Variants in BPTF observed in about 807,000 individuals in gnomAD.
BPTF encodes the protein bromodomain PHD finger transcription factor, also known as nucleosome-remodeling factor subunit BPTF.
Under a neutral mutation model 292.5 loss-of-function variants are expected in BPTF, and 18 were observed. The ratio of observed to expected loss-of-function variants is 0.06; its 90% confidence interval spans 0.04 to 0.09. BPTF has a LOEUF of 0.09. BPTF is among the 10% of genes least tolerant of loss of function. The probability of loss-of-function intolerance (pLI) is 1.00; values close to 1 mark genes in which losing one functional copy is unlikely to be tolerated. For synonymous variants in BPTF, 1,225 were observed against 1,251.9 expected, an observed-to-expected ratio of 0.98 and a Z score of 0.45; for missense variants, 2,726 against 3,498.7, an observed-to-expected ratio of 0.78 and a Z score of 5.57.
chr17:67,953,771 G>A lies in BPTF; in HGVS notation c.7926+5465G>A, dbSNP rs1300389613. ...TTTTGTGTATTATTCGGAGAGATGG[G>A]GTTTCATCATGTTTGCCAGGCTTGT... On this transcript the variant is annotated intron_variant, in intron 23 of 27. Coordinates refer to ENST00000306378, the MANE Select transcript of BPTF (RefSeq NM_182641.4). 2.0e-5 allele frequency among the ~76,000 whole-genome samples: 3 copies of A among 150,236 alleles called. No individual in the cohort carries two copies. In the East Asian group the frequency reaches 5.9e-4, roughly 30 times the overall value.
At chr17:67,865,517 A>G (rs1167495289) in intron 2 of BPTF, among the ~76,000 whole-genome samples, 1 of 152,204 alleles carries the variant, frequency 6.6e-6, no homozygotes, top group African/African-American at 2.4e-5. Flanking sequence ...TGTCTTGTCC[A>G]TGTCCACATA....
At position 67,907,880 on chromosome 17, in the gene BPTF, G is replaced by GAGAT. The variant is rs552216614; in HGVS notation, c.2813-1700_2813-1697dup. 2.1e-3 allele frequency among the ~76,000 whole-genome samples: 314 copies of GAGAT among 152,176 alleles called. 1 individual carries two copies. Among genetic ancestry groups the GAGAT allele is most frequent in the African/African-American group, 7.2e-3 (297 of 41,516 alleles). On this transcript the variant is annotated intron_variant, in intron 9 of 27. Coordinates refer to ENST00000306378, the MANE Select transcript of BPTF (RefSeq NM_182641.4). The stretch of plus-strand genomic sequence containing the variant: ...TATTCCACTTGCCCTGGTTGTCTTA[G>GAGAT]AGATACCTTTTTACTGTAAGCAGTA...
chr17:67,891,829 C>A lies in BPTF; in HGVS notation c.1865-15C>A. The A allele has an allele frequency of 1.3e-6, 2 of 1,553,928 alleles. No homozygotes were observed. The highest frequency in any genetic ancestry group is 2.4e-5 in the South Asian group (2 of 82,400). On this transcript the variant is annotated splice_polypyrimidine_tract_variant and intron_variant, in intron 4 of 27. Transcript: ENST00000306378. The stretch of plus-strand genomic sequence containing the variant: ...TTATTGTCAGCAATTGCTTTGTGGC[C>A]TATTCATTTGACAGTAGGTGATTTC...
At chr17:67,918,453 CATTTT>C (rs2063203612) in intron 11 of BPTF, among the ~76,000 whole-genome samples, 1 of 152,094 alleles carries the variant, frequency 6.6e-6, no homozygotes, top group Non-Finnish European at 1.5e-5. Flanking sequence ...GAAACATTCT[CATTTT>C]ATAAACTTAT....
In BPTF at chr17:67,871,796, G is replaced by A. The variant is rs185214474; in HGVS notation, c.1661-3021G>A. 7.9e-5 allele frequency among the ~76,000 whole-genome samples: 12 copies of A among 152,048 alleles called. No individual in the cohort carries two copies. In the East Asian group the frequency reaches 1.7e-3, roughly 22 times the overall value. On this transcript the variant is annotated intron_variant, in intron 3 of 27. Transcript: ENST00000306378. Reference sequence around the variant, plus strand: ...TTTTTCTCTCTGCTGAACATTTTGGGTCTCTTTTTCTTTTTGTTGTTGTTG... The same window carrying A: ...TTTTTCTCTCTGCTGAACATTTTGGATCTCTTTTTCTTTTTGTTGTTGTTG...
At chr17:67,935,454 A>C (rs2064835496) in intron 18 of BPTF, among the ~76,000 whole-genome samples, 3 of 151,970 alleles carry the variant, frequency 2.0e-5, no homozygotes, top group Admixed American at 2.0e-4. Context: ...AAAGAAAATG[A>C]GGGAGGAAAT....
chr17:67,840,997 G>A (rs2057512542), intron 1 of BPTF, among the ~76,000 whole-genome samples: 1 of 152,158 alleles, frequency 6.6e-6, no homozygotes, highest in South Asian at 2.1e-4. Flanking sequence ...CTTTTTCCCA[G>A]AGCATAAGTT....
At chr17:67,929,681 A>G (rs2064194284) in intron 17 of BPTF, among the ~76,000 whole-genome samples, 194 bp downstream of exon 17, 1 of 152,354 alleles carries the variant, frequency 6.6e-6, no homozygotes, top group South Asian at 2.1e-4. Context: ...AATGTCTAAC[A>G]GTTAATGACA....
chr17:67,889,311 T>A (rs2060950833), intron 4 of BPTF, among the ~76,000 whole-genome samples: 1 of 152,224 alleles, frequency 6.6e-6, no homozygotes. Context: ...GCACTAAATT[T>A]AGCAAGTGAT....
intron 18 of BPTF, among the ~76,000 whole-genome samples, chr17:67,939,309 A>G (rs1192344219): frequency 6.6e-6 from 1 of 152,206 alleles, no homozygotes; most frequent in Admixed American, 6.5e-5. Context: ...GAGAAACACA[A>G]AGATATATAT....
chr17:67,856,843 T>C (rs2058718617), intron 2 of BPTF, among the ~76,000 whole-genome samples: 1 of 152,222 alleles, frequency 6.6e-6, no homozygotes, highest in Non-Finnish European at 1.5e-5. Flanking sequence ...TGTTCACAAC[T>C]GAGCGTGGTT....
intron 23 of BPTF, among the ~76,000 whole-genome samples, chr17:67,958,810 C>T (rs1167678599): frequency 1.3e-5 from 2 of 148,882 alleles, no homozygotes; most frequent in East Asian, 4.0e-4. Context: ...ACTAAAAATA[C>T]AAAAAAATTA....
intron 4 of BPTF, among the ~76,000 whole-genome samples, chr17:67,879,529 C>T (rs1193452810): frequency 6.6e-6 from 1 of 152,172 alleles, no homozygotes; most frequent in Non-Finnish European, 1.5e-5. Context: ...TCATTCACTT[C>T]TTTAGTAGAT....
At chr17:67,956,303 A>C (rs1301415673) in intron 23 of BPTF, 1 of 127,618 alleles carries the variant, frequency 7.8e-6, no homozygotes, top group East Asian at 2.6e-4. Flanking sequence ...TGGGAGACAG[A>C]GCGAGACTCC....
intron 6 of BPTF, 27 bp from the exon 7 acceptor site, chr17:67,894,007 A>G (rs1434021747): frequency 1.4e-5 from 22 of 1,606,202 alleles, no homozygotes; most frequent in East Asian, 4.5e-5. Flanking sequence ...TAGTGAAATA[A>G]TTTCTCTCAT....
At chr17:67,876,955 A>G (rs1207903615) in intron 4 of BPTF, among the ~76,000 whole-genome samples, 2 of 152,242 alleles carry the variant, frequency 1.3e-5, no homozygotes, top group Non-Finnish European at 2.9e-5. Flanking sequence ...AGAGTGTTGG[A>G]CAGCTGAAGA....
intron 2 of BPTF, among the ~76,000 whole-genome samples, chr17:67,863,589 C>T (rs994316937): frequency 6.6e-6 from 1 of 152,106 alleles, no homozygotes; most frequent in African/African-American, 2.4e-5. Context: ...CGGCCCATTA[C>T]CTTCTTTTCT....
At chr17:67,877,063 T>G (rs2060093918) in intron 4 of BPTF, among the ~76,000 whole-genome samples, 1 of 152,200 alleles carries the variant, frequency 6.6e-6, no homozygotes, top group Admixed American at 6.5e-5. Context: ...ATGAAAAGCA[T>G]TTTAAAAGAC....
At chr17:67,971,606 C>G (rs1377433879) in intron 26 of BPTF, among the ~76,000 whole-genome samples, 1 of 151,838 alleles carries the variant, frequency 6.6e-6, no homozygotes, top group Non-Finnish European at 1.5e-5. Context: ...GAGTTCAAGA[C>G]CAGCCTGGCC....
Sources: gnomAD v4.1 joint callset for allele counts (sites outside exome capture counted in the v4.1 genomes callset) on GRCh38, gnomAD v4.1.1 for gene constraint, MANE v1.5 for transcripts, NCBI Gene and HGNC (gene_info 2026-07-23, HGNC 2026-07-21) for gene names.